The following VPS8 variants were observed in gnomAD, a reference collection of about 807,000 sequenced individuals.
VPS8 encodes vacuolar protein sorting-associated protein 8 homolog.
Under a neutral mutation model 216.4 loss-of-function variants are expected in VPS8, and 129 were observed. That is an observed-to-expected ratio of 0.60 (90% confidence interval 0.52 to 0.69). The LOEUF is 0.69. Ranked by LOEUF, VPS8 falls within the 30% of genes least tolerant of loss-of-function variation. The pLI is 0.00. For synonymous variants in VPS8, 571 were observed against 565.4 expected (o/e 1.01, Z -0.14); for missense variants, 1,531 against 1,683.5 (o/e 0.91, Z 1.59).
chr3:184,928,451 G>A lies in VPS8; in HGVS notation c.2632G>A (p.Val878Ile). 1 of 1,530,936 alleles carries A rather than the reference G, an allele frequency of 6.5e-7. No individual in the cohort carries two copies. Among genetic ancestry groups the A allele is most frequent in the East Asian group, 2.6e-5 (1 of 38,756 alleles). The allele number at this position is 1,530,936 out of a possible 1,614,324, so 94.8% of individuals were successfully genotyped here. A position where few individuals can be genotyped will look rare whatever the true frequency, so the allele number is the denominator to read the frequency against. ...DDSRHSERQQ[V>I]LLELLQAGGI... ...TTACTCATTTATTGTAAATACTCAG[G>A]TCCTTTTAGAATTGCTGCAGGCTGG... is the stretch of plus-strand genomic sequence containing the variant. The change falls in exon 32 of 48, where the codon GTC (valine) becomes ATC (isoleucine). Residue 878 changes from valine to isoleucine, a missense_variant and splice_region_variant. Around this residue, in one of 3 missense-constraint regions of VPS8, gnomAD observed 1,318 missense variants for 1,468.4 expected, o/e 0.90. Coordinates refer to ENST00000625842, the MANE Select transcript of VPS8 (RefSeq NM_001009921.3).
chr3:184,817,975 C>T (rs904148893), intron 1 of VPS8, among the ~76,000 whole-genome samples: 2 of 151,946 alleles, frequency 1.3e-5, no homozygotes, highest in African/African-American at 4.8e-5. Context: ...AGGAAGAGGT[C>T]ATAGGCAGAT....
intron 30 of VPS8, 134 bp from the exon 31 acceptor site, chr3:184,926,460 G>T: frequency 1.3e-6 from 1 of 773,802 alleles, no homozygotes; most frequent in South Asian, 1.8e-5. Flanking sequence ...TGGGAAGGTA[G>T]CCTACACCTG....
At chr3:185,007,722 T>C (rs1177335444) in intron 45 of VPS8, among the ~76,000 whole-genome samples, 3 of 152,218 alleles carry the variant, frequency 2.0e-5, no homozygotes, top group Admixed American at 1.3e-4. Flanking sequence ...CTACTTGGAA[T>C]TGGTTTTATT....
intron 34 of VPS8, among the ~76,000 whole-genome samples, chr3:184,931,747 A>G (rs1000087006): frequency 2.9e-4 from 44 of 152,122 alleles, no homozygotes; most frequent in Non-Finnish European, 6.3e-4. Flanking sequence ...TGGTAAAATA[A>G]CCCAACAAGT....
chr3:185,010,814 C>A (rs974020681), intron 45 of VPS8, among the ~76,000 whole-genome samples: 1 of 152,050 alleles, frequency 6.6e-6, no homozygotes, highest in Non-Finnish European at 1.5e-5. Flanking sequence ...CCAGTTGGGA[C>A]AACATGATGA....
chr3:184,843,333 C>A, intron 8 of VPS8, 88 bp downstream of exon 8: 2 of 1,011,846 alleles, frequency 2.0e-6, no homozygotes, highest in South Asian at 2.9e-5. Context: ...AGTCAATGTC[C>A]TCTTACGAAA....
intron 16 of VPS8, 22 bp downstream of exon 16, chr3:184,863,089 G>A (rs766610156): frequency 2.5e-6 from 4 of 1,608,690 alleles, no homozygotes; most frequent in Non-Finnish European, 3.4e-6. Flanking sequence ...CACTTATCTT[G>A]CTATCCTAGA....
At chr3:184,983,137 CATTTT>C (rs746330615) in intron 42 of VPS8, 43 bp downstream of exon 42, 11 of 1,449,362 alleles carry the variant, frequency 7.6e-6, no homozygotes, top group South Asian at 5.4e-5. Context: ...TTTCAACTAA[CATTTT>C]AGTTATATAT....
chr3:184,832,337 T>C (rs143101761), intron 3 of VPS8, among the ~76,000 whole-genome samples: 109 of 152,278 alleles, frequency 7.2e-4, no homozygotes, highest in African/African-American at 2.5e-3. Flanking sequence ...TATAGTCAGA[T>C]GGTGTTTGTT....
intron 43 of VPS8, among the ~76,000 whole-genome samples, chr3:184,995,769 A>T (rs1023440990): frequency 1.3e-5 from 2 of 152,254 alleles, no homozygotes; most frequent in African/African-American, 2.4e-5. Context: ...GATAGATGTC[A>T]TGGTCTTGAG....
At chr3:185,020,881 G>T (rs1756552941) in intron 45 of VPS8, among the ~76,000 whole-genome samples, 1 of 152,182 alleles carries the variant, frequency 6.6e-6, no homozygotes. Context: ...GACACCAGCT[G>T]ACCAACATGG....
intron 8 of VPS8, among the ~76,000 whole-genome samples, chr3:184,848,138 C>G (rs928031036): frequency 2.6e-5 from 4 of 152,096 alleles, no homozygotes; most frequent in African/African-American, 9.7e-5. Flanking sequence ...TCTCGAACTC[C>G]TAACCTCAAG....
At chr3:184,990,781 C>G (rs1414998774) in intron 42 of VPS8, among the ~76,000 whole-genome samples, 1 of 152,148 alleles carries the variant, frequency 6.6e-6, no homozygotes, top group Non-Finnish European at 1.5e-5. Context: ...TAGGGAGCAG[C>G]AGTTACTTAG....
intron 45 of VPS8, among the ~76,000 whole-genome samples, chr3:185,021,680 A>G (rs1478702530): frequency 6.6e-6 from 1 of 152,208 alleles, no homozygotes; most frequent in Non-Finnish European, 1.5e-5. Context: ...CTGAAAGGAC[A>G]GTCTGGACAG....
chr3:185,039,373 A>C (rs989454658), intron 46 of VPS8, among the ~76,000 whole-genome samples: 1 of 151,744 alleles, frequency 6.6e-6, no homozygotes, highest in Admixed American at 6.6e-5. Flanking sequence ...TACAAGCAGC[A>C]CGTACCAGCA....
chr3:185,008,569 G>A (rs754343365), intron 45 of VPS8, among the ~76,000 whole-genome samples: 9 of 152,014 alleles, frequency 5.9e-5, no homozygotes, highest in African/African-American at 1.2e-4. Context: ...TGAGGGAAAC[G>A]TACGTTAGGT....
chr3:184,875,511 C>T (rs184714451), intron 21 of VPS8, among the ~76,000 whole-genome samples: 76 of 152,188 alleles, frequency 5.0e-4, no homozygotes, highest in African/African-American at 1.4e-3. Context: ...TGTTTTCTGT[C>T]TCATACATCT....
intron 34 of VPS8, among the ~76,000 whole-genome samples, chr3:184,931,450 A>G (rs1175831395): frequency 6.6e-6 from 1 of 152,186 alleles, no homozygotes; most frequent in Non-Finnish European, 1.5e-5. Flanking sequence ...GAGATGTAGT[A>G]AAGATACGAT....
intron 46 of VPS8, among the ~76,000 whole-genome samples, chr3:185,026,649 TCCATCCGCCTTGGCCTC>T (rs1221856708): frequency 6.6e-6 from 1 of 150,930 alleles, no homozygotes; most frequent in Admixed American, 6.6e-5. Context: ...GACCTCATGA[TCCATCCGCCTTGGCCTC>T]CCAAAGTGCT....
Sources: allele counts gnomAD v4.1 joint callset (sites outside exome capture counted in the v4.1 genomes callset), GRCh38; gene constraint gnomAD v4.1.1; regional missense constraint gnomAD v4.1.1; transcripts MANE v1.5; gene names NCBI Gene and HGNC (gene_info 2026-07-23, HGNC 2026-07-21).